U2AF2: variants seen among roughly 807,000 people sequenced by gnomAD.
The protein encoded by U2AF2 is splicing factor U2AF 65 kDa subunit.
A neutral mutation model predicts 52.6 loss-of-function variants in U2AF2; 6 were observed. The observed-to-expected ratio is 0.11, with a 90% confidence interval of 0.06 to 0.23. U2AF2 has a LOEUF of 0.23. Among genes scored for constraint, U2AF2 ranks in the 10% least tolerant of loss-of-function variants. The probability of loss-of-function intolerance (pLI) is 1.00; values close to 1 mark genes in which losing one functional copy is unlikely to be tolerated. For synonymous variants in U2AF2, 284 were observed against 258.2 expected (o/e 1.10, Z -0.96); for missense variants, 222 against 677.1 (o/e 0.33, Z 7.46).
At chr19:55,658,317 T>G in intron 1 of U2AF2, among the ~76,000 whole-genome samples, 1 of 114,528 alleles carries the variant, frequency 8.7e-6, no homozygotes. Context: ...ATGCTCATGG[T>G]TTATCCTCCA....
chr19:55,661,364 GCCCT>G (rs1264308040), intron 5 of U2AF2, 175 bp downstream of exon 5: 10 of 617,380 alleles, frequency 1.6e-5, no homozygotes, highest in Non-Finnish European at 7.5e-6. Context: ...GCTGGGGGTG[GCCCT>G]CCCTCCCTCC....
Position 55,660,692 on chromosome 19 carries a change from G to A in U2AF2, c.334+73G>A, listed in dbSNP as rs118155303. ...GGGATTCTCCGTCAGTCATTCCCCT[G>A]CGTGTGTGCTTGGAGGGGGTCAAAG... On this transcript the variant is annotated intron_variant, in intron 4 of 11. Coordinates refer to ENST00000308924, the MANE Select transcript of U2AF2 (RefSeq NM_007279.3). The A allele has an allele frequency of 0.027, 38,652 of 1,408,298 alleles. 677 individuals carry two copies. The highest frequency in any genetic ancestry group is 0.033 in the Non-Finnish European group (33,292 of 1,012,954). 87.2% of individuals were successfully genotyped at this position (1,408,298 alleles called of 1,614,324 possible).
intron 5 of U2AF2, chr19:55,661,843 C>T (rs1984224977): frequency 6.6e-6 from 1 of 152,408 alleles, no homozygotes; most frequent in African/African-American, 2.4e-5. Context: ...AAGTAAGGTC[C>T]ATTCTGACTT....
At chr19:55,660,372 G>T (rs1385621176) in intron 3 of U2AF2, 144 bp from the exon 4 acceptor site, 2 of 1,100,784 alleles carry the variant, frequency 1.8e-6, no homozygotes, top group Non-Finnish European at 1.3e-6. Context: ...CCCAGGCCCT[G>T]CCCCAGACCC....
chr19:55,672,131 A>G (rs75613468), intron 11 of U2AF2: 4 of 129,520 alleles, frequency 3.1e-5, no homozygotes, highest in South Asian at 2.3e-4. Context: ...ATGGTCTCAG[A>G]AAAAAAAAAA....
intron 1 of U2AF2, among the ~76,000 whole-genome samples, chr19:55,657,578 T>C (rs1475274435): frequency 2.6e-5 from 4 of 152,230 alleles, no homozygotes; most frequent in African/African-American, 9.6e-5. Context: ...GTCCATCTTA[T>C]AAGCGAGGAG....
intron 5 of U2AF2, 105 bp from the exon 6 acceptor site, chr19:55,662,397 C>T (rs1984271939): frequency 5.7e-6 from 1 of 175,556 alleles, no homozygotes; most frequent in South Asian, 1.2e-4. Flanking sequence ...CCTCATCCCT[C>T]TCCCCTTACC....
intron 11 of U2AF2, among the ~76,000 whole-genome samples, chr19:55,670,462 C>T: frequency 6.7e-6 from 1 of 148,990 alleles, no homozygotes; most frequent in Non-Finnish European, 1.5e-5. Context: ...GTGCACCCTG[C>T]TGTCCCGTGC....
Position 55,669,566 on chromosome 19 carries a change from G to C in U2AF2, c.1167G>C (p.Leu389=). ...CLMNMVLPEE[L]LDDEEYEEIV... is the part of the protein sequence containing the mutation. Reference sequence around the variant, plus strand: ...TGAACATGGTGCTGCCTGAGGAGCTGCTGGACGACGAGGAGTATGAGGAGA... The same window carrying C: ...TGAACATGGTGCTGCCTGAGGAGCTCCTGGACGACGAGGAGTATGAGGAGA... Residue 389 remains leucine, a synonymous_variant, in exon 11 of 12, where the codon CTG becomes CTC. Coordinates refer to ENST00000308924, the MANE Select transcript of U2AF2 (RefSeq NM_007279.3). The C allele has an allele frequency of 1.2e-6, 2 of 1,613,956 alleles. No homozygotes were observed. Among genetic ancestry groups the C allele is most frequent in the Non-Finnish European group, 1.7e-6 (2 of 1,179,918 alleles).
chr19:55,657,900 T>C (rs1233998096), intron 1 of U2AF2, among the ~76,000 whole-genome samples: 1 of 152,184 alleles, frequency 6.6e-6, no homozygotes, highest in Admixed American at 6.5e-5. Context: ...CCCAGCAGTG[T>C]TTTTCCGAAG....
At chr19:55,659,385 C>A in intron 2 of U2AF2, 40 bp downstream of exon 2, 2 of 1,440,620 alleles carry the variant, frequency 1.4e-6, no homozygotes, top group South Asian at 1.4e-5. Flanking sequence ...GCCTGGGAGT[C>A]GGGGGGTCGG....
At position 55,661,020 on chromosome 19, in the gene U2AF2, C is replaced by T; in HGVS notation, c.335-18C>T. The T allele has an allele frequency of 6.4e-7, 1 of 1,566,482 alleles. No homozygotes were observed. The highest frequency in any genetic ancestry group is 8.7e-7 in the Non-Finnish European group (1 of 1,147,160). ...ATTCCCCTGATGGGGTTTTATCCGG[C>T]TTTTATTCCCTTTGAAGCTGCGGGT... On this transcript the variant is annotated intron_variant, in intron 4 of 11. Coordinates refer to ENST00000308924, the MANE Select transcript of U2AF2 (RefSeq NM_007279.3).
intron 11 of U2AF2, among the ~76,000 whole-genome samples, chr19:55,670,449 C>CCGTGCACCCTGCTGT (rs1568555210): frequency 0.064 from 725 of 11,246 alleles, 2 homozygotes; most frequent in African/African-American, 0.15. Context: ...ACCCTGCTGT[C>CCGTGCACCCTGCTGT]CCGTGCACCC....
intron 2 of U2AF2, 144 bp downstream of exon 2, chr19:55,659,489 T>A: frequency 1.8e-6 from 2 of 1,101,548 alleles, no homozygotes; most frequent in Non-Finnish European, 2.4e-6. Context: ...GGGGGAGGGA[T>A]CTACTGCTTG....
At chr19:55,673,212 C>T (rs1985035049) in intron 11 of U2AF2, among the ~76,000 whole-genome samples, 1 of 152,212 alleles carries the variant, frequency 6.6e-6, no homozygotes, top group African/African-American at 2.4e-5. Flanking sequence ...AGCCACTGTG[C>T]CCAGCCGAGG....
chr19:55,660,301 A>G (rs1392092806), intron 3 of U2AF2, 80 bp downstream of exon 3: 18 of 1,511,348 alleles, frequency 1.2e-5, no homozygotes, highest in Admixed American at 1.9e-5. Flanking sequence ...TGTCCCGCCC[A>G]TTTCCAGCCC....
chr19:55,657,875 C>T (rs1228940719), intron 1 of U2AF2, among the ~76,000 whole-genome samples: 1 of 152,136 alleles, frequency 6.6e-6, no homozygotes, highest in Non-Finnish European at 1.5e-5. Context: ...AGTTTCCTTA[C>T]CCATTATGTC....
rs777392809 is a variant in U2AF2 at position 55,669,100 on chromosome 19, C to T, written c.963C>T (p.Asn321=). The part of the protein sequence containing the change: ...NVTDQAIAGL[N]GMQLGDKKLL... Reference sequence around the variant, plus strand: ...AAACACAGGCCATTGCGGGGCTGAACGGCATGCAGCTGGGGGATAAGAAGC... The same window carrying T: ...AAACACAGGCCATTGCGGGGCTGAATGGCATGCAGCTGGGGGATAAGAAGC... The change falls in exon 10 of 12, where the codon AAC becomes AAT. Residue 321 remains asparagine (N), a synonymous_variant. Transcript: ENST00000308924. The T allele has an allele frequency of 3.5e-5, 56 of 1,613,358 alleles. No homozygotes were observed. Among genetic ancestry groups the T allele is most frequent in the Admixed American group, 1.5e-4 (9 of 59,994 alleles).
chr19:55,673,759 G>T, intron 11 of U2AF2, among the ~76,000 whole-genome samples, 175 bp from the exon 12 acceptor site: 1 of 152,178 alleles, frequency 6.6e-6, no homozygotes, highest in East Asian at 1.9e-4. Flanking sequence ...TTTTGATCCT[G>T]GAGAATATTT....
Sources: allele counts gnomAD v4.1 joint callset (sites outside exome capture counted in the v4.1 genomes callset), GRCh38; gene constraint gnomAD v4.1.1; transcripts MANE v1.5; gene names NCBI Gene and HGNC (gene_info 2026-07-23, HGNC 2026-07-21).